SMAP1: variants seen among roughly 807,000 people sequenced by gnomAD.
SMAP1 encodes stromal membrane-associated protein 1.
A neutral mutation model predicts 58.5 loss-of-function variants in SMAP1; 24 were observed. The observed-to-expected ratio is 0.41, with a 90% CI of 0.30 to 0.58. The LOEUF (loss-of-function observed/expected upper bound fraction) is 0.58, where lower values mean the gene tolerates loss of function less well. Among genes scored for constraint, SMAP1 ranks in the 20% least tolerant of loss-of-function variants. The pLI is 0.29. For missense variants in SMAP1, 563 were observed against 566.3 expected (o/e 0.99, Z 0.06); for synonymous variants, 216 against 196.6 (o/e 1.10, Z -0.82).
At chr6:70,704,748 A>G (rs939730223) in intron 1 of SMAP1, among the ~76,000 whole-genome samples, 11 of 152,220 alleles carry the variant, frequency 7.2e-5, no homozygotes, top group Non-Finnish European at 1.5e-4. Context: ...CGTATCCATT[A>G]TTTGTGAGCT....
intron 1 of SMAP1, among the ~76,000 whole-genome samples, chr6:70,727,801 A>G (rs978621325): frequency 1.2e-4 from 18 of 152,118 alleles, no homozygotes; most frequent in African/African-American, 4.3e-4. Context: ...TGTGGCTCAT[A>G]CCTGTAATCC....
chr6:70,785,939 C>T (rs1768003873), intron 4 of SMAP1, among the ~76,000 whole-genome samples: 4 of 152,136 alleles, frequency 2.6e-5, no homozygotes, highest in Admixed American at 2.6e-4. Flanking sequence ...GGAATCCTCC[C>T]TAACTCATTT....
At chr6:70,767,018 G>T (rs1208814345) in intron 3 of SMAP1, among the ~76,000 whole-genome samples, 1 of 151,926 alleles carries the variant, frequency 6.6e-6, no homozygotes, top group Non-Finnish European at 1.5e-5. Context: ...TTTCCCCATT[G>T]CTTGTTTTTC....
intron 8 of SMAP1, among the ~76,000 whole-genome samples, chr6:70,856,032 A>G (rs897278698): frequency 2.0e-5 from 3 of 152,170 alleles, no homozygotes; most frequent in African/African-American, 7.2e-5. Flanking sequence ...CTTGCAACTC[A>G]CCTTATTCTG....
At chr6:70,802,865 C>T (rs949219929) in intron 6 of SMAP1, among the ~76,000 whole-genome samples, 2 of 119,322 alleles carry the variant, frequency 1.7e-5, no homozygotes, top group South Asian at 2.9e-4. Flanking sequence ...CCCACTTGAT[C>T]GTGGTGGATA....
intron 1 of SMAP1, among the ~76,000 whole-genome samples, chr6:70,721,452 T>A (rs1768524245): frequency 6.6e-6 from 1 of 152,194 alleles, no homozygotes; most frequent in South Asian, 2.1e-4. Context: ...GCTATCAGCA[T>A]TTTGGGCAAA....
chr6:70,729,725 G>T (rs1203544444), intron 1 of SMAP1, among the ~76,000 whole-genome samples: 2 of 152,056 alleles, frequency 1.3e-5, no homozygotes, highest in Non-Finnish European at 2.9e-5. Flanking sequence ...GTTCTTCCTG[G>T]TGATTTCATA....
In SMAP1 at chr6:70,860,465, T is replaced by C. The variant is rs1198904703; in HGVS notation, c.*131T>C. On this transcript the variant is annotated 3_prime_UTR_variant, in exon 11 of 11. Coordinates refer to ENST00000370455, the MANE Select transcript of SMAP1 (RefSeq NM_001044305.3). ...TTTGTTCATATTAAGAATGATCTGA[T>C]TGACCGTGTTGGTCTGTACTGATTC... 5 of 1,108,642 alleles carry C rather than the reference T, an allele frequency of 4.5e-6. No individual in the cohort carries two copies. The highest frequency in any genetic ancestry group is 3.2e-5 in the African/African-American group (2 of 63,082). The allele number at this position is 1,108,642 out of a possible 1,614,324, so 68.7% of individuals were successfully genotyped here. A position where few individuals can be genotyped will look rare whatever the true frequency, so the allele number is the denominator to read the frequency against.
intron 2 of SMAP1, among the ~76,000 whole-genome samples, chr6:70,737,237 G>A (rs1222324390): frequency 6.6e-6 from 1 of 152,198 alleles, no homozygotes; most frequent in Non-Finnish European, 1.5e-5. Context: ...CACCTCCTGG[G>A]TTCAAGTGAT....
intron 3 of SMAP1, among the ~76,000 whole-genome samples, chr6:70,769,553 T>C (rs1767174264): frequency 6.6e-6 from 1 of 152,184 alleles, no homozygotes; most frequent in Admixed American, 6.5e-5. Context: ...AAGTCTGTTT[T>C]ATCAGAGACT....
intron 1 of SMAP1, among the ~76,000 whole-genome samples, chr6:70,707,015 T>G (rs889891119): frequency 6.6e-6 from 1 of 152,208 alleles, no homozygotes; most frequent in African/African-American, 2.4e-5. Context: ...TGTTTGTCCT[T>G]CCTTATTCTG....
At chr6:70,781,803 G>A (rs1012479168) in intron 4 of SMAP1, among the ~76,000 whole-genome samples, 21 of 152,110 alleles carry the variant, frequency 1.4e-4, no homozygotes, top group African/African-American at 4.6e-4. Flanking sequence ...CCTTATTCTT[G>A]TAGGTGGGAG....
chr6:70,858,906 A>AAGTT (rs1447036853), intron 10 of SMAP1: 1 of 153,926 alleles, frequency 6.5e-6, no homozygotes, highest in Non-Finnish European at 1.4e-5. Flanking sequence ...ATTTCTACCT[A>AAGTT]AGTTAGAGCT....
intron 3 of SMAP1, among the ~76,000 whole-genome samples, chr6:70,764,020 G>C (rs973567291): frequency 1.3e-5 from 2 of 151,898 alleles, no homozygotes; most frequent in African/African-American, 4.8e-5. Context: ...TCAAGCGATC[G>C]TTCTGCCTCA....
At chr6:70,670,678 T>C (rs892803499) in intron 1 of SMAP1, among the ~76,000 whole-genome samples, 1 of 152,254 alleles carries the variant, frequency 6.6e-6, no homozygotes, top group African/African-American at 2.4e-5. Context: ...ATCAAACTTT[T>C]CATGTACTGT....
intron 3 of SMAP1, among the ~76,000 whole-genome samples, chr6:70,756,311 C>T (rs1766488966): frequency 6.6e-6 from 1 of 151,996 alleles, no homozygotes; most frequent in Admixed American, 6.6e-5. Context: ...TTTTCTCACA[C>T]AGAGATATAG....
At chr6:70,729,962 A>G (rs1765359592) in intron 1 of SMAP1, among the ~76,000 whole-genome samples, 1 of 152,198 alleles carries the variant, frequency 6.6e-6, no homozygotes, top group Non-Finnish European at 1.5e-5. Context: ...CAGAATTAAG[A>G]GTCTTCATTT....
At chr6:70,835,239 G>A (rs540210975) in intron 6 of SMAP1, among the ~76,000 whole-genome samples, 71 of 129,244 alleles carry the variant, frequency 5.5e-4, no homozygotes, top group Non-Finnish European at 7.2e-4. Flanking sequence ...GCTACAGAGC[G>A]AGACTCCGTC....
intron 6 of SMAP1, among the ~76,000 whole-genome samples, chr6:70,825,216 G>A (rs980191223): frequency 6.6e-6 from 1 of 152,084 alleles, no homozygotes; most frequent in African/African-American, 2.4e-5. Context: ...TTTCAAGATG[G>A]CCATAGGAAA....
Sources: allele counts gnomAD v4.1 joint callset (sites outside exome capture counted in the v4.1 genomes callset), GRCh38; gene constraint gnomAD v4.1.1; transcripts MANE v1.5; gene names NCBI Gene and HGNC (gene_info 2026-07-23, HGNC 2026-07-21).